The following PNN variants were observed in gnomAD, a reference collection of about 807,000 sequenced individuals.
PNN encodes pinin.
Under a neutral mutation model 76.6 loss-of-function variants are expected in PNN, and 38 were observed. That is an observed-to-expected ratio of 0.50 (90% CI 0.38 to 0.65). The LOEUF (loss-of-function observed/expected upper bound fraction) is 0.65. Ranked by LOEUF, PNN falls within the 30% of genes least tolerant of loss-of-function variation. PNN has a pLI of 0.00. For missense variants in PNN, 873 were observed against 874.1 expected, an observed-to-expected ratio of 1.00 and a Z score of 0.02; for synonymous variants, 366 against 283.7, an observed-to-expected ratio of 1.29 and a Z score of -2.91.
chr14:39,176,189 G>A (rs1173524585), intron 2 of PNN, 40 bp downstream of exon 2: 1 of 1,088,194 alleles, frequency 9.2e-7, no homozygotes, highest in African/African-American at 1.5e-5. Flanking sequence ...TGAAACTACT[G>A]GTACTTTACT....
At chr14:39,180,440 A>G (rs2053260565) in intron 8 of PNN, 63 bp from the exon 9 acceptor site, 2 of 1,460,964 alleles carry the variant, frequency 1.4e-6, no homozygotes. Context: ...GACCAGTTAT[A>G]AAATTATGGC....
intron 2 of PNN, 188 bp downstream of exon 2, chr14:39,176,337 T>A (rs1441438764): frequency 3.1e-6 from 2 of 634,964 alleles, no homozygotes; most frequent in African/African-American, 3.7e-5. Flanking sequence ...GAAGAATATA[T>A]TAAGTTTACC....
Position 39,181,387 on chromosome 14 carries a change from A to C in PNN, c.1678A>C (p.Ser560Arg). Residue 560 changes from serine (S) to arginine (R), a missense_variant, in exon 9 of 9, where the codon AGC (serine) becomes CGC (arginine). Transcript: ENST00000216832. ...GAGCAAGAGCAAAACCAAAACTAGG[A>C]GCAGAAGTAGAGGTCGAGCTAGAAA... ...PESKSKTKTR[S>R]RSRGRARNKT... 6.2e-7 allele frequency: 1 copy of C among 1,614,232 alleles called. No homozygotes were observed. The highest frequency in any genetic ancestry group is 8.5e-7 in the Non-Finnish European group (1 of 1,180,044).
At position 39,177,506 on chromosome 14, in the gene PNN, A is replaced by C. The variant is rs45612437; in HGVS notation, c.327+22A>C. The C allele has an allele frequency of 5.2e-3, 8,301 of 1,605,654 alleles. 37 individuals are homozygous for C. The highest frequency in any genetic ancestry group is 6.6e-3 in the Non-Finnish European group (7,708 of 1,172,264). On this transcript the variant is annotated intron_variant, in intron 4 of 8. Transcript: ENST00000216832. The stretch of plus-strand genomic sequence containing the variant: ...AAAGGTATTGAGATTGAAAGAACTT[A>C]AATGAATGTAGTACCTTCACTTTAC...
At position 39,178,531 on chromosome 14, in the gene PNN, CA is replaced by C. The variant is rs1223001469; in HGVS notation, c.499-553del. Among the ~76,000 whole-genome samples, 3 of 150,444 alleles carry C rather than the reference CA, an allele frequency of 2.0e-5. No individual in the cohort carries two copies. The East Asian group carries it at 5.8e-4, about 29-fold the overall frequency. On this transcript the variant is annotated intron_variant, in intron 6 of 8. Transcript: ENST00000216832. Reference sequence around the variant, plus strand: ...GGGCAACAGGCGCAAAACTCCATCTCAAAAAAAGAAAAAATGTGAAGCATAT... The same window carrying C: ...GGGCAACAGGCGCAAAACTCCATCTCAAAAAAGAAAAAATGTGAAGCATAT...
chr14:39,176,659 G>A (rs2252040), intron 3 of PNN, 64 bp downstream of exon 3: 853,507 of 924,518 alleles, frequency 0.92, 394,675 homozygotes, highest in East Asian at 0.97. Flanking sequence ...AAATATAAAT[G>A]TTTATTAACA....
Position 39,182,210 on chromosome 14 carries a change from A to G in PNN, c.*347A>G, listed in dbSNP as rs901494731. 5.9e-6 allele frequency: 1 copy of G among 169,924 alleles called. No individual in the cohort carries two copies. The highest frequency in any genetic ancestry group is 2.4e-5 in the African/African-American group (1 of 41,840). 10.5% of individuals were successfully genotyped at this position (169,924 alleles called of 1,614,324 possible). On this transcript the variant is annotated 3_prime_UTR_variant, in exon 9 of 9. Coordinates refer to ENST00000216832, the MANE Select transcript of PNN (RefSeq NM_002687.4). ...GTCTGTTCCCTTCTAATTCTGTATCATACATTGCTTTTGTAGAAATAAATG... is the reference window on the plus strand; with the variant it reads ...GTCTGTTCCCTTCTAATTCTGTATCGTACATTGCTTTTGTAGAAATAAATG...
At position 39,181,618 on chromosome 14, in the gene PNN, G is replaced by T; in HGVS notation, c.1909G>T (p.Gly637Cys). 1 of 1,614,130 alleles carries T rather than the reference G, an allele frequency of 6.2e-7. No homozygotes were observed. The highest frequency in any genetic ancestry group is 8.5e-7 in the Non-Finnish European group (1 of 1,180,028). Reference protein sequence around the residue: ...SSSESRSRSRGRGHNRDRKHR... With the variant: ...SSSESRSRSRCRGHNRDRKHR... ...TAGTGAGAGTAGAAGTCGGAGTAGG[G>T]GCCGGGGACATAATAGAGATAGAAA... is the stretch of plus-strand genomic sequence containing the variant. Residue 637 changes from glycine (G) to cysteine (C), a missense_variant, in exon 9 of 9, where the codon GGC becomes TGC. Physicochemically the swap from Gly to Cys is radical, Grantham distance 159 (BLOSUM62 -3). Coordinates refer to ENST00000216832, the MANE Select transcript of PNN (RefSeq NM_002687.4).
intron 6 of PNN, 119 bp downstream of exon 6, chr14:39,178,035 C>T: frequency 2.8e-6 from 2 of 719,904 alleles, no homozygotes; most frequent in Non-Finnish European, 4.8e-6. Flanking sequence ...TGAAACAAAG[C>T]CAAGTAAAAA....
At position 39,176,596 on chromosome 14, in the gene PNN, G is replaced by A; in HGVS notation, c.254+1G>A. Reference sequence around the variant, plus strand: ...GAGACCTTGAAGGGGCAGTCAGTAGGTAGGTTTAAAAAAAGATTCCTGAAG... The same window carrying A: ...GAGACCTTGAAGGGGCAGTCAGTAGATAGGTTTAAAAAAAGATTCCTGAAG... On this transcript the variant is annotated splice_donor_variant, in intron 3 of 8. Coordinates refer to ENST00000216832, the MANE Select transcript of PNN (RefSeq NM_002687.4). LOFTEE classifies it high-confidence loss of function. 1 of 1,590,006 alleles carries A rather than the reference G, an allele frequency of 6.3e-7. No homozygotes were observed. Among genetic ancestry groups the A allele is most frequent in the African/African-American group, 1.4e-5 (1 of 73,900 alleles).
chr14:39,181,850 A>G lies in PNN; in HGVS notation c.2141A>G (p.Asp714Gly). 6.3e-7 allele frequency: 1 copy of G among 1,586,694 alleles called. No homozygotes were observed. The highest frequency in any genetic ancestry group is 1.4e-5 in the African/African-American group (1 of 73,404). ...AGAGACCGAAAATCAGACAGGAAAG[A>G]CAAAAGGCGTTAATGGAAGAAGCCA... Reference protein sequence around the residue: ...SERDRKSDRKDKRR With the variant: ...SERDRKSDRKGKRR Residue 714 changes from aspartate (D) to glycine (G), a missense_variant, in exon 9 of 9, where the codon GAC becomes GGC. Around this residue, in one of 3 missense-constraint regions of PNN, gnomAD observed 712 missense variants for 693.1 expected, o/e 1.03. Coordinates refer to ENST00000216832, the MANE Select transcript of PNN (RefSeq NM_002687.4).
chr14:39,179,069 A>G (rs2053251068), intron 6 of PNN, 22 bp from the exon 7 acceptor site: 10 of 1,603,208 alleles, frequency 6.2e-6, no homozygotes, highest in Non-Finnish European at 8.5e-6. Context: ...GTAAGTATTA[A>G]AGCAGGCTAC....
At position 39,176,529 on chromosome 14, in the gene PNN, G is replaced by T; in HGVS notation, c.188G>T (p.Arg63Leu). 3 of 1,602,564 alleles carry T rather than the reference G, an allele frequency of 1.9e-6. No individual in the cohort carries two copies. Among genetic ancestry groups the T allele is most frequent in the Non-Finnish European group, 2.6e-6 (3 of 1,173,570 alleles). ...GRGRGSLLLR[R>L]GFSDSGGGPP... ...ATGTTGAACATTTTAAATTTCAGGCGTGGATTCTCAGATAGTGGAGGAGGA... is the reference window on the plus strand; with the variant it reads ...ATGTTGAACATTTTAAATTTCAGGCTTGGATTCTCAGATAGTGGAGGAGGA... Residue 63 changes from arginine to leucine, a missense_variant and splice_region_variant, in exon 3 of 9, where the codon CGT becomes CTT. By Grantham distance (102) the Arg-to-Leu change is moderately radical (BLOSUM62 -2). Coordinates refer to ENST00000216832, the MANE Select transcript of PNN (RefSeq NM_002687.4).
In PNN at chr14:39,176,544, G is replaced by A; in HGVS notation, c.203G>A (p.Ser68Asn). The A allele has an allele frequency of 6.2e-7, 1 of 1,607,994 alleles. No homozygotes were observed. The highest frequency in any genetic ancestry group is 8.5e-7 in the Non-Finnish European group (1 of 1,177,754). The change falls in exon 3 of 9, where the codon AGT becomes AAT. Residue 68 changes from serine to asparagine, a missense_variant. Physicochemically the swap from Ser to Asn is conservative, Grantham distance 46. This residue lies in a region of PNN where 156 missense variants were observed against 161.7 expected (regional missense o/e 0.96). Coordinates refer to ENST00000216832, the MANE Select transcript of PNN (RefSeq NM_002687.4). Reference sequence around the variant, plus strand: ...AATTTCAGGCGTGGATTCTCAGATAGTGGAGGAGGACCCCCAGCCAAACAG... The same window carrying A: ...AATTTCAGGCGTGGATTCTCAGATAATGGAGGAGGACCCCCAGCCAAACAG... ...SLLLRRGFSD[S>N]GGGPPAKQRD...
intron 3 of PNN, among the ~76,000 whole-genome samples, chr14:39,177,068 C>A (rs142970510): frequency 6.6e-6 from 1 of 152,330 alleles, no homozygotes; most frequent in African/African-American, 2.4e-5. Flanking sequence ...TGTGCAGTTA[C>A]ATAAATACCT....
chr14:39,182,925 T>C lies in PNN; in HGVS notation c.*1062T>C, dbSNP rs923107239. 3.3e-5 allele frequency: 5 copies of C among 152,682 alleles called. No homozygotes were observed. The highest frequency in any genetic ancestry group is 1.2e-4 in the African/African-American group (5 of 41,470). 9.5% of individuals were successfully genotyped at this position (152,682 alleles called of 1,614,324 possible). A position where few individuals can be genotyped will look rare whatever the true frequency, so the allele number is the denominator to read the frequency against. ...CCATTACTATACATGTGCAAATAAA[T>C]GTGGCTTAGACTTGTGTGACTGCTT... On this transcript the variant is annotated 3_prime_UTR_variant, in exon 9 of 9. Transcript: ENST00000216832.
chr14:39,175,293 T>C lies in PNN; in HGVS notation c.14T>C (p.Val5Ala), dbSNP rs775884902. The stretch of plus-strand genomic sequence containing the variant: ...CGCAGGGAGAAGATGGCGGTCGCCG[T>C]GAGAACTTTGCAGGAACAGCTGGAA... Reference protein sequence around the residue: MAVAVRTLQEQLEKA... With the variant: MAVAARTLQEQLEKA... The change falls in exon 1 of 9, where the codon GTG becomes GCG. Residue 5 changes from valine (V) to alanine (A), a missense_variant. Coordinates refer to ENST00000216832, the MANE Select transcript of PNN (RefSeq NM_002687.4). 1.2e-6 allele frequency: 2 copies of C among 1,603,546 alleles called. No individual in the cohort carries two copies. Among genetic ancestry groups the C allele is most frequent in the Non-Finnish European group, 1.7e-6 (2 of 1,173,322 alleles).
At chr14:39,178,901 GTTAA>G (rs531414389) in intron 6 of PNN, 186 bp from the exon 7 acceptor site, 1 of 543,788 alleles carries the variant, frequency 1.8e-6, no homozygotes, top group South Asian at 2.4e-5. Context: ...ACCACGCCCT[GTTAA>G]TTTTTTTGTG....
intron 6 of PNN, 196 bp from the exon 7 acceptor site, chr14:39,178,895 C>T (rs972434444): frequency 7.2e-5 from 38 of 525,874 alleles, no homozygotes; most frequent in Admixed American, 3.2e-4. Flanking sequence ...CGTGCAACCA[C>T]GCCCTGTTAA....
Sources: allele counts gnomAD v4.1 joint callset (sites outside exome capture counted in the v4.1 genomes callset), GRCh38; gene constraint gnomAD v4.1.1; regional missense constraint gnomAD v4.1.1; transcripts MANE v1.5; gene names NCBI Gene and HGNC (gene_info 2026-07-23, HGNC 2026-07-21).